Variants in TBCD observed in about 807,000 individuals in gnomAD.
TBCD encodes tubulin-specific chaperone D.
TBCD carries 105 observed loss-of-function variants against 169.3 expected under a neutral mutation model. The ratio of observed to expected loss-of-function variants is 0.62; its 90% CI spans 0.53 to 0.73. The LOEUF is 0.73. Among genes scored for constraint, TBCD ranks in the 30% least tolerant of loss-of-function variants. The pLI, the probability that TBCD is intolerant of heterozygous loss-of-function variation, is 0.00. For synonymous variants in TBCD, 700 were observed against 643.9 expected, an observed-to-expected ratio of 1.09 and a Z score of -1.32; for missense variants, 1,444 against 1,600.1, an observed-to-expected ratio of 0.90 and a Z score of 1.66.
Position 82,889,174 on chromosome 17 carries a change from T to G in TBCD, c.1534-494T>G, listed in dbSNP as rs888206584. Among the ~76,000 whole-genome samples the G allele has an allele frequency of 1.3e-5, 2 of 152,176 alleles. No homozygotes were observed. The highest frequency in any genetic ancestry group is 2.9e-5 in the Non-Finnish European group (2 of 68,012). ...CTGTTGAAGTTCACATTTTGACCTTTTCAGCAGCCCTTGCTCTGGGCCTGT... is the reference window on the plus strand; with the variant it reads ...CTGTTGAAGTTCACATTTTGACCTTGTCAGCAGCCCTTGCTCTGGGCCTGT... On this transcript the variant is annotated intron_variant, in intron 15 of 38. Transcript: ENST00000355528. This position sits in a 1 kb window ranked among gnomAD's most constrained non-coding sequence, Gnocchi z 5.3.
Position 82,927,230 on chromosome 17 carries a change from C to G in TBCD, c.2516C>G (p.Ala839Gly), listed in dbSNP as rs748722419. The G allele has an allele frequency of 6.2e-7, 1 of 1,614,020 alleles. No individual in the cohort carries two copies. The highest frequency in any genetic ancestry group is 1.1e-5 in the South Asian group (1 of 91,080). The change falls in exon 29 of 39, where the codon GCT becomes GGT. Residue 839 changes from alanine to glycine, a missense_variant. Transcript: ENST00000355528. ...GTGAAAGCAGGAGCCCCAGACGAAG[C>G]TGTGTGCGGAGAGAATGTTTCCCAG... is the stretch of plus-strand genomic sequence containing the variant. ...VGVKAGAPDE[A>G]VCGENVSQIY...
intron 16 of TBCD, among the ~76,000 whole-genome samples, chr17:82,891,479 C>G (rs756745405): frequency 2.6e-5 from 4 of 152,346 alleles, no homozygotes; most frequent in East Asian, 1.9e-4. Context: ...GAAAGAAATG[C>G]AAGACGCGCA....
chr17:82,817,139 T>C (rs2681122), intron 13 of TBCD, among the ~76,000 whole-genome samples: 72,163 of 151,982 alleles, frequency 0.47, 17,821 homozygotes, highest in South Asian at 0.64. Flanking sequence ...TTTCACTTTC[T>C]ATTGATTGAT....
chr17:82,810,903 G>A (rs2051390116), intron 12 of TBCD, among the ~76,000 whole-genome samples: 1 of 152,200 alleles, frequency 6.6e-6, no homozygotes, highest in South Asian at 2.1e-4. Flanking sequence ...TGTGCACTTA[G>A]CCTCCAGCCT....
rs938909840 is a variant in TBCD at position 82,920,953 on chromosome 17, C to T, written c.2101+335C>T. 10 of 332,616 alleles carry T rather than the reference C, an allele frequency of 3.0e-5. No homozygotes were observed. Among genetic ancestry groups the T allele is most frequent in the East Asian group, 7.4e-5 (1 of 13,534 alleles). The allele number at this position is 332,616 out of a possible 1,614,324, so 20.6% of individuals were successfully genotyped here. On this transcript the variant is annotated intron_variant, in intron 24 of 38. Transcript: ENST00000355528. The surrounding 1 kb of genome is among the most constrained non-coding windows in gnomAD (Gnocchi z 4.1). ...CACCCAGGCCCTCGTGGACCAGGAG[C>T]GTGCCGGCCGCCGACACCACGGACC...
intron 7 of TBCD, among the ~76,000 whole-genome samples, chr17:82,791,793 T>C (rs1293169150): frequency 6.6e-6 from 1 of 152,172 alleles, no homozygotes; most frequent in Non-Finnish European, 1.5e-5. Flanking sequence ...AACTGCGTCG[T>C]TGGGCAGTGT....
intron 28 of TBCD, 156 bp from the exon 29 acceptor site, chr17:82,927,030 A>G: frequency 9.8e-7 from 1 of 1,022,140 alleles, no homozygotes; most frequent in South Asian, 1.7e-5. Context: ...CACGTTCCAT[A>G]CATGTGGAAG....
At chr17:82,933,082 G>A (rs1037456557) in intron 34 of TBCD, among the ~76,000 whole-genome samples, 1 of 152,068 alleles carries the variant, frequency 6.6e-6, no homozygotes, top group African/African-American at 2.4e-5. Flanking sequence ...TCGGCTGTAC[G>A]GGGATGAGAC....
At chr17:82,870,671 C>T (rs1399567203) in intron 14 of TBCD, among the ~76,000 whole-genome samples, 2 of 151,928 alleles carry the variant, frequency 1.3e-5, no homozygotes, top group South Asian at 2.1e-4. Flanking sequence ...AGGAACATTC[C>T]GGAGGTCTTG....
chr17:82,909,413 G>C (rs1433622267), intron 22 of TBCD, 106 bp downstream of exon 22: 4 of 908,252 alleles, frequency 4.4e-6, no homozygotes, highest in Middle Eastern at 3.0e-4. Flanking sequence ...GCCTATGTGT[G>C]TTTGGGTTGA....
chr17:82,923,583 G>A lies in TBCD; in HGVS notation c.2179-69G>A. 1 of 1,324,182 alleles carries A rather than the reference G, an allele frequency of 7.6e-7. No homozygotes were observed. Among genetic ancestry groups the A allele is most frequent in the Non-Finnish European group, 1.1e-6 (1 of 946,984 alleles). 82.0% of individuals were successfully genotyped at this position (1,324,182 alleles called of 1,614,324 possible). On this transcript the variant is annotated intron_variant, in intron 25 of 38. Coordinates refer to ENST00000355528, the MANE Select transcript of TBCD (RefSeq NM_005993.5). This position sits in a 1 kb window ranked among gnomAD's most constrained non-coding sequence, Gnocchi z 4.6. ...TGCTTCTCCGACTTCAGAGTGACCT[G>A]CTCTGTCCCTGGCCGGGGGCTTCTC... is the stretch of plus-strand genomic sequence containing the variant.
At chr17:82,840,986 G>T (rs12940276) in intron 13 of TBCD, among the ~76,000 whole-genome samples, 9 of 74,294 alleles carry the variant, frequency 1.2e-4, no homozygotes, top group Non-Finnish European at 1.7e-4. Flanking sequence ...TTTTTTTTGA[G>T]ACAGAGTTTC....
chr17:82,831,428 G>C lies in TBCD; in HGVS notation c.1318+16494G>C. On this transcript the variant is annotated intron_variant, in intron 13 of 38. Coordinates refer to ENST00000355528, the MANE Select transcript of TBCD (RefSeq NM_005993.5). The surrounding 1 kb of genome is among the most constrained non-coding windows in gnomAD (Gnocchi z 4.6). ...TCAAGCAGGTGAGAGCTCTGATCTC[G>C]GGTGAGGCCAGTGACAGGTGGGAGT... 1 of 1,614,166 alleles carries C rather than the reference G, an allele frequency of 6.2e-7. No homozygotes were observed. The highest frequency in any genetic ancestry group is 8.5e-7 in the Non-Finnish European group (1 of 1,180,030).
In TBCD at chr17:82,927,885, G is replaced by A. The variant is rs199976588; in HGVS notation, c.2610-20G>A. 24 of 1,611,166 alleles carry A rather than the reference G, an allele frequency of 1.5e-5. No homozygotes were observed. The highest frequency in any genetic ancestry group is 3.4e-6 in the Non-Finnish European group (4 of 1,177,764). On this transcript the variant is annotated intron_variant, in intron 29 of 38. Transcript: ENST00000355528. ...CCCCCCTCTCAAGCTGGGTGTCTCT[G>A]CCTCTCCTTGTCCCATCAGGGTCCG...
At chr17:82,919,253 G>A (rs552648433) in intron 23 of TBCD, among the ~76,000 whole-genome samples, 2 of 152,196 alleles carry the variant, frequency 1.3e-5, no homozygotes, top group South Asian at 2.1e-4. Flanking sequence ...GGTAAGAACT[G>A]GTTTTCTGGG....
At chr17:82,906,124 C>A (rs1007725146) in intron 20 of TBCD, 71 bp downstream of exon 20, 1 of 1,220,650 alleles carries the variant, frequency 8.2e-7, no homozygotes, top group East Asian at 2.6e-5. Flanking sequence ...TCACAGTGCT[C>A]TCCAGTTCGA....
At chr17:82,771,603 G>C (rs1036793660) in intron 5 of TBCD, among the ~76,000 whole-genome samples, 4 of 152,132 alleles carry the variant, frequency 2.6e-5, no homozygotes, top group African/African-American at 7.2e-5. Flanking sequence ...GTCATTAGTA[G>C]AGACGGGGTT....
chr17:82,781,508 TG>T, intron 6 of TBCD, 80 bp from the exon 7 acceptor site: 1 of 1,528,588 alleles, frequency 6.5e-7, no homozygotes, highest in South Asian at 1.2e-5. Context: ...CCTGGGGAGG[TG>T]GGTGTGTGTG....
At chr17:82,805,393 G>A (rs1315181489) in intron 9 of TBCD, among the ~76,000 whole-genome samples, 1 of 152,210 alleles carries the variant, frequency 6.6e-6, no homozygotes, top group Non-Finnish European at 1.5e-5. Context: ...AGGGCTACAC[G>A]TTGCTGCCTT....
Sources: allele counts gnomAD v4.1 joint callset (sites outside exome capture counted in the v4.1 genomes callset), GRCh38; gene constraint gnomAD v4.1.1; non-coding constraint Gnocchi (gnomAD v3.1); transcripts MANE v1.5; gene names NCBI Gene and HGNC (gene_info 2026-07-23, HGNC 2026-07-21).